ERC2: variants seen among roughly 807,000 people sequenced by gnomAD.
ERC2 encodes the protein ELKS/RAB6-interacting/CAST family member 2, also known as ERC protein 2.
ERC2 carries 42 observed loss-of-function variants against 114.8 expected under a neutral mutation model. The observed-to-expected ratio is 0.37, with a 90% confidence interval of 0.29 to 0.47. ERC2 has a LOEUF of 0.47. Among genes scored for constraint, ERC2 ranks in the 20% least tolerant of loss-of-function variants. The pLI, the probability that ERC2 is intolerant of heterozygous loss-of-function variation, is 0.99. For synonymous variants in ERC2, 454 were observed against 425.5 expected (o/e 1.07, Z -0.82); for missense variants, 939 against 1,150.7 (o/e 0.82, Z 2.66).
Position 55,683,820 on chromosome 3 carries a change from T to C in ERC2, c.*13A>G. 1 of 1,612,516 alleles carries C rather than the reference T, an allele frequency of 6.2e-7. No homozygotes were observed. Among genetic ancestry groups the C allele is most frequent in the South Asian group, 1.1e-5 (1 of 90,858 alleles). ...CCTCAAAACAAAACTGGAACTTTGG[T>C]TTACAGGCCCGGCTATGCCCATATG... On this transcript the variant is annotated 3_prime_UTR_variant, in exon 17 of 18. Transcript: ENST00000288221.
chr3:55,870,835 G>A (rs574967676), intron 14 of ERC2, among the ~76,000 whole-genome samples: 1 of 152,330 alleles, frequency 6.6e-6, no homozygotes, highest in South Asian at 2.1e-4. Context: ...CAACAGAACT[G>A]TGATGGACGC....
chr3:55,875,181 C>T (rs1347381714), intron 14 of ERC2, among the ~76,000 whole-genome samples: 1 of 152,184 alleles, frequency 6.6e-6, no homozygotes, highest in Non-Finnish European at 1.5e-5. Context: ...CTTGAAAATA[C>T]ATTGAAGGGA....
chr3:55,572,895 A>G (rs1163961188), intron 17 of ERC2, among the ~76,000 whole-genome samples: 2 of 152,206 alleles, frequency 1.3e-5, no homozygotes, highest in Non-Finnish European at 2.9e-5. Context: ...TCAGCAATCA[A>G]CACTTCTAAC....
At chr3:56,042,684 T>G (rs1443228368) in intron 7 of ERC2, among the ~76,000 whole-genome samples, 3 of 151,974 alleles carry the variant, frequency 2.0e-5, no homozygotes, top group Non-Finnish European at 4.4e-5. Context: ...TCGTCAGCAG[T>G]CTGACTTCAA....
rs141897465 is a variant in ERC2 at position 55,928,071 on chromosome 3, T to G, written c.2403+22354A>C. Among the ~76,000 whole-genome samples the G allele has an allele frequency of 6.1e-3, 933 of 152,314 alleles. 15 individuals carry two copies. Among genetic ancestry groups the G allele is most frequent in the African/African-American group, 0.022 (898 of 41,580 alleles). ...GTGAATAGTACTGCAGTAAACATAG[T>G]AGTGTAGATATCTCTTTGATATATG... On this transcript the variant is annotated intron_variant, in intron 13 of 17. Transcript: ENST00000288221.
chr3:55,855,574 T>A (rs1488223865), intron 14 of ERC2, among the ~76,000 whole-genome samples: 1 of 152,228 alleles, frequency 6.6e-6, no homozygotes, highest in Non-Finnish European at 1.5e-5. Flanking sequence ...AAACCATACA[T>A]ATCACATCCT....
intron 14 of ERC2, among the ~76,000 whole-genome samples, chr3:55,827,056 T>C (rs1167117221): frequency 1.3e-5 from 2 of 152,330 alleles, no homozygotes; most frequent in East Asian, 3.9e-4. Context: ...ATGGCTGCCT[T>C]AACAAAAGGA....
At chr3:56,401,932 G>T (rs546081403) in intron 2 of ERC2, among the ~76,000 whole-genome samples, 2 of 152,328 alleles carry the variant, frequency 1.3e-5, no homozygotes, top group South Asian at 4.1e-4. Flanking sequence ...TGGCTGGGAA[G>T]CCTCACAATC....
chr3:56,330,353 AT>A (rs2057555401), intron 2 of ERC2, among the ~76,000 whole-genome samples: 1 of 152,142 alleles, frequency 6.6e-6, no homozygotes, highest in African/African-American at 2.4e-5. Context: ...TTATATTAAT[AT>A]TTTCTCATTT....
intron 17 of ERC2, among the ~76,000 whole-genome samples, chr3:55,593,230 T>C (rs116703421): frequency 0.025 from 3,827 of 152,262 alleles, 121 homozygotes; most frequent in African/African-American, 0.068. Flanking sequence ...CTTGCCTTGG[T>C]GCAAATCAGT....
intron 3 of ERC2, among the ~76,000 whole-genome samples, chr3:56,213,796 G>A (rs558045320): frequency 6.6e-5 from 10 of 152,150 alleles, no homozygotes; most frequent in African/African-American, 9.6e-5. Context: ...TCATACAGCC[G>A]GGTACTCCTC....
chr3:56,357,718 C>A (rs78212086), intron 2 of ERC2, among the ~76,000 whole-genome samples: 1 of 150,370 alleles, frequency 6.7e-6, no homozygotes, highest in Non-Finnish European at 1.5e-5. Flanking sequence ...CATTGCAAAA[C>A]GCCTGATTTC....
At chr3:55,614,382 G>A (rs1036371984) in intron 17 of ERC2, among the ~76,000 whole-genome samples, 1 of 152,084 alleles carries the variant, frequency 6.6e-6, no homozygotes, top group Non-Finnish European at 1.5e-5. Flanking sequence ...AGGAAAAAAG[G>A]CATTTGGTAG....
intron 3 of ERC2, among the ~76,000 whole-genome samples, chr3:56,291,289 A>G (rs1190370279): frequency 6.6e-6 from 1 of 152,244 alleles, no homozygotes; most frequent in African/African-American, 2.4e-5. Flanking sequence ...AGACAATGCT[A>G]GTGAGTAATG....
intron 16 of ERC2, among the ~76,000 whole-genome samples, chr3:55,689,849 T>C (rs2062547916): frequency 6.6e-6 from 1 of 151,418 alleles, no homozygotes; most frequent in African/African-American, 2.4e-5. Context: ...GACTACCATA[T>C]CCTGGCCCTG....
intron 1 of ERC2, among the ~76,000 whole-genome samples, chr3:56,459,527 C>CCACACACA (rs58270143): frequency 2.0e-5 from 3 of 150,732 alleles, no homozygotes; most frequent in African/African-American, 7.3e-5. Context: ...TGCTATCAGA[C>CCACACACA]CACACACACA....
chr3:55,997,461 T>C (rs1344779586), intron 10 of ERC2, among the ~76,000 whole-genome samples: 2 of 149,832 alleles, frequency 1.3e-5, no homozygotes, highest in African/African-American at 4.9e-5. Flanking sequence ...AATAAAATAT[T>C]ACATTTTAAA....
At chr3:55,652,545 T>C (rs1047005959) in intron 17 of ERC2, among the ~76,000 whole-genome samples, 1 of 152,068 alleles carries the variant, frequency 6.6e-6, no homozygotes, top group South Asian at 2.1e-4. Context: ...GGGCTTCATA[T>C]GCATTCTCTC....
At chr3:55,733,535 C>G (rs1443241424) in intron 15 of ERC2, among the ~76,000 whole-genome samples, 1 of 58,566 alleles carries the variant, frequency 1.7e-5, no homozygotes, top group African/African-American at 5.6e-5. Flanking sequence ...CATTCTTTCT[C>G]TCTCTCTCAC....
Sources: gnomAD v4.1 joint callset for allele counts (sites outside exome capture counted in the v4.1 genomes callset) on GRCh38, gnomAD v4.1.1 for gene constraint, MANE v1.5 for transcripts, NCBI Gene and HGNC (gene_info 2026-07-23, HGNC 2026-07-21) for gene names.